ELAVL1: variants seen among roughly 807,000 people sequenced by gnomAD.
ELAVL1 encodes the protein ELAV-like protein 1.
Under a neutral mutation model 28.4 loss-of-function variants are expected in ELAVL1, and 1 was observed. That is an observed-to-expected ratio of 0.04 (90% CI 0.01 to 0.17). The LOEUF (loss-of-function observed/expected upper bound fraction) is 0.17, where lower values mean the gene tolerates loss of function less well. ELAVL1 is among the 10% of genes least tolerant of loss of function. ELAVL1 has a pLI of 1.00. For synonymous variants in ELAVL1, 174 were observed against 183.5 expected, an observed-to-expected ratio of 0.95 and a Z score of 0.42; for missense variants, 157 against 447.2, an observed-to-expected ratio of 0.35 and a Z score of 5.85.
chr19:7,975,531 C>T (rs1391439461), intron 3 of ELAVL1, among the ~76,000 whole-genome samples: 1 of 152,222 alleles, frequency 6.6e-6, no homozygotes, highest in Non-Finnish European at 1.5e-5. Flanking sequence ...GGCTCCCCGG[C>T]CCCTCGGCCA....
chr19:8,003,827 C>A (rs927869451), intron 1 of ELAVL1, among the ~76,000 whole-genome samples: 3 of 152,142 alleles, frequency 2.0e-5, no homozygotes, highest in African/African-American at 7.2e-5. Flanking sequence ...TCGTGTATCT[C>A]AACCTCTTTG....
chr19:8,000,796 T>C (rs1599681297), intron 1 of ELAVL1, among the ~76,000 whole-genome samples: 1 of 152,196 alleles, frequency 6.6e-6, no homozygotes, highest in South Asian at 2.1e-4. Flanking sequence ...TCCAGCTAAG[T>C]GACAATTCCC....
intron 2 of ELAVL1, among the ~76,000 whole-genome samples, chr19:7,983,596 G>A (rs987562335): frequency 4.6e-5 from 7 of 152,094 alleles, no homozygotes; most frequent in East Asian, 3.9e-4. Context: ...AGTGCTCAGC[G>A]CCTTCTGCAT....
chr19:7,972,309 C>T (rs1418333845), intron 4 of ELAVL1, among the ~76,000 whole-genome samples: 1 of 152,248 alleles, frequency 6.6e-6, no homozygotes, highest in Non-Finnish European at 1.5e-5. Context: ...TAGTTCCTAG[C>T]CTAGTGCGGC....
chr19:7,994,802 T>C (rs926856514), intron 1 of ELAVL1, among the ~76,000 whole-genome samples: 3 of 151,996 alleles, frequency 2.0e-5, no homozygotes, highest in Non-Finnish European at 4.4e-5. Flanking sequence ...AAAAATAAAA[T>C]AATTTAGTGG....
chr19:7,968,062 T>C (rs564353288), intron 4 of ELAVL1, among the ~76,000 whole-genome samples: 21 of 152,292 alleles, frequency 1.4e-4, no homozygotes, highest in African/African-American at 4.8e-4. Context: ...ACATCCCCAA[T>C]AGACACCCAG....
intron 1 of ELAVL1, among the ~76,000 whole-genome samples, chr19:8,001,583 C>T (rs1488192824): frequency 6.6e-6 from 1 of 152,118 alleles, no homozygotes; most frequent in Non-Finnish European, 1.5e-5. Context: ...CAGGATTGTT[C>T]CCTCTCCTGT....
chr19:7,958,994 G>T lies in ELAVL1; in HGVS notation c.*4489C>A, dbSNP rs1984731369. The stretch of plus-strand genomic sequence containing the variant: ...TCTTTATTAATCTGAAGTCTTCTGG[G>T]TTATCAAAATCTAGGTTTGCTTTTT... On this transcript the variant is annotated 3_prime_UTR_variant, in exon 6 of 6. Transcript: ENST00000407627. 1.3e-5 allele frequency: 2 copies of T among 152,818 alleles called. No homozygotes were observed. The highest frequency in any genetic ancestry group is 2.1e-4 in the South Asian group (1 of 4,812). 9.5% of individuals were successfully genotyped at this position (152,818 alleles called of 1,614,324 possible). A position where few individuals can be genotyped will look rare whatever the true frequency, so the allele number is the denominator to read the frequency against.
chr19:7,991,572 A>C, intron 2 of ELAVL1, 72 bp downstream of exon 2: 2 of 1,476,378 alleles, frequency 1.4e-6, no homozygotes, highest in Non-Finnish European at 1.8e-6. Flanking sequence ...CCACAGAGTC[A>C]CAGGCAAAGG....
chr19:7,984,820 C>A (rs1568313295), intron 2 of ELAVL1, among the ~76,000 whole-genome samples: 1 of 152,234 alleles, frequency 6.6e-6, no homozygotes, highest in African/African-American at 2.4e-5. Flanking sequence ...ACCTGACCAC[C>A]CACCTCCACC....
In ELAVL1 at chr19:7,979,672, C is replaced by A. The variant is rs1391727692; in HGVS notation, c.276+1411G>T. Reference sequence around the variant, plus strand: ...GCTTGGCTGCCCTCACCAGCCCCCACCGGGGAAGGTGCCTCTGAGGACCTG... The same window carrying A: ...GCTTGGCTGCCCTCACCAGCCCCCAACGGGGAAGGTGCCTCTGAGGACCTG... On this transcript the variant is annotated intron_variant, in intron 3 of 5. Coordinates refer to ENST00000407627, the MANE Select transcript of ELAVL1 (RefSeq NM_001419.3). The surrounding 1 kb of genome is among the most constrained non-coding windows in gnomAD (Gnocchi z 5.4). Among the ~76,000 whole-genome samples the A allele has an allele frequency of 1.1e-4, 17 of 152,192 alleles. No homozygotes were observed. Among genetic ancestry groups the A allele is most frequent in the Admixed American group, 1.1e-3 (17 of 15,284 alleles).
In ELAVL1 at chr19:7,959,945, TTC is replaced by T. The variant is rs1481565923; in HGVS notation, c.*3536_*3537del. 6.6e-6 allele frequency: 1 copy of T among 152,182 alleles called. No individual in the cohort carries two copies. The highest frequency in any genetic ancestry group is 1.5e-5 in the Non-Finnish European group (1 of 68,028). 9.4% of individuals were successfully genotyped at this position (152,182 alleles called of 1,614,324 possible). A position where few individuals can be genotyped will look rare whatever the true frequency, so the allele number is the denominator to read the frequency against. ...AGGCCTCCTGTCAGCTGAATTCTTA[TTC>T]TCTTTCATCCAACACAGGAAGGCTG... On this transcript the variant is annotated 3_prime_UTR_variant, in exon 6 of 6. Coordinates refer to ENST00000407627, the MANE Select transcript of ELAVL1 (RefSeq NM_001419.3).
chr19:7,964,424 G>T (rs1325042400), intron 5 of ELAVL1, among the ~76,000 whole-genome samples: 2 of 152,116 alleles, frequency 1.3e-5, no homozygotes, highest in African/African-American at 2.4e-5. Context: ...AAACCACTGA[G>T]GACTGAGAAC....
intron 2 of ELAVL1, among the ~76,000 whole-genome samples, chr19:7,985,197 G>C (rs897488214): frequency 1.3e-5 from 2 of 152,226 alleles, no homozygotes; most frequent in Non-Finnish European, 2.9e-5. Flanking sequence ...TGGGATTATA[G>C]GCGTGCGCCA....
At chr19:7,989,158 G>T (rs1460415885) in intron 2 of ELAVL1, among the ~76,000 whole-genome samples, 2 of 152,216 alleles carry the variant, frequency 1.3e-5, no homozygotes, top group African/African-American at 4.8e-5. Context: ...CGTTGGCTGG[G>T]GAGAGGGGTG....
intron 4 of ELAVL1, among the ~76,000 whole-genome samples, chr19:7,971,995 GT>G (rs1157381341): frequency 1.3e-5 from 2 of 152,248 alleles, no homozygotes; most frequent in Non-Finnish European, 2.9e-5. Context: ...GAGTGCTGCT[GT>G]TCTCTCAAAA....
rs1419751432 is a variant in ELAVL1 at position 7,962,650 on chromosome 19, G to C, written c.*833C>G. The C allele has an allele frequency of 6.6e-6, 1 of 152,656 alleles. No individual in the cohort carries two copies. Among genetic ancestry groups the C allele is most frequent in the African/African-American group, 2.4e-5 (1 of 41,478 alleles). The allele number at this position is 152,656 out of a possible 1,614,324, so 9.5% of individuals were successfully genotyped here. On this transcript the variant is annotated 3_prime_UTR_variant, in exon 6 of 6. Transcript: ENST00000407627. The stretch of plus-strand genomic sequence containing the variant: ...CTATGTTAAATGCTCTGGAAAACGG[G>C]AGAAATTATCGTGAACAACAGTATC...
chr19:7,980,870 G>T (rs1483254281), intron 3 of ELAVL1, among the ~76,000 whole-genome samples: 1 of 152,150 alleles, frequency 6.6e-6, no homozygotes, highest in Non-Finnish European at 1.5e-5. Context: ...CCTGGGAGCT[G>T]ACGCAACCTG....
rs142648560 is a variant in ELAVL1 at position 7,987,035 on chromosome 19, A to G, written c.172+4609T>C. Among the ~76,000 whole-genome samples, 1,354 of 150,024 alleles carry G rather than the reference A, an allele frequency of 9.0e-3. 25 individuals carry two copies. The highest frequency in any genetic ancestry group is 0.031 in the African/African-American group (1,267 of 40,948). On this transcript the variant is annotated intron_variant, in intron 2 of 5. Transcript: ENST00000407627. ...AAGAAAAAAGCCATCAGGCTGGGAAAGTCCGGAAGGACATTCCTGCAGAGG... is the reference window on the plus strand; with the variant it reads ...AAGAAAAAAGCCATCAGGCTGGGAAGGTCCGGAAGGACATTCCTGCAGAGG...
Sources: gnomAD v4.1 joint callset for allele counts (sites outside exome capture counted in the v4.1 genomes callset) on GRCh38, gnomAD v4.1.1 for gene constraint, Gnocchi (gnomAD v3.1) non-coding constraint, MANE v1.5 for transcripts, NCBI Gene and HGNC (gene_info 2026-07-23, HGNC 2026-07-21) for gene names.